Variants in PDZRN3 observed in about 807,000 individuals in gnomAD.
PDZRN3 encodes the protein E3 ubiquitin-protein ligase PDZRN3.
A neutral mutation model predicts 85.7 loss-of-function variants in PDZRN3; 38 were observed. The ratio of observed to expected loss-of-function variants is 0.44; its 90% CI spans 0.34 to 0.58. The LOEUF is 0.58. Ranked by LOEUF, PDZRN3 falls within the 20% of genes least tolerant of loss-of-function variation. PDZRN3 has a pLI of 0.01. For synonymous variants in PDZRN3, 759 were observed against 638.0 expected, an observed-to-expected ratio of 1.19 and a Z score of -2.86; for missense variants, 1,629 against 1,506.4, an observed-to-expected ratio of 1.08 and a Z score of -1.35.
rs73838551 is a variant in PDZRN3 at position 73,509,898 on chromosome 3, G to A, written c.918+92456C>T. 8.4e-3 allele frequency among the ~76,000 whole-genome samples: 1,282 copies of A among 152,314 alleles called. 9 individuals carry two copies. Among genetic ancestry groups the A allele is most frequent in the African/African-American group, 0.027 (1,105 of 41,556 alleles). ...TTTCCACCTGGGGAAATCAGGGGCT[G>A]AGGCCTCCAGCCACCCTTTCCTTGA... On this transcript the variant is annotated intron_variant, in intron 3 of 9. Transcript: ENST00000263666.
At chr3:73,563,166 C>T (rs1157292118) in intron 3 of PDZRN3, among the ~76,000 whole-genome samples, 1 of 149,252 alleles carries the variant, frequency 6.7e-6, no homozygotes, top group East Asian at 2.0e-4. Flanking sequence ...ATACAGGTGC[C>T]CGCCACCACG....
At chr3:73,564,946 T>C (rs1004913290) in intron 3 of PDZRN3, among the ~76,000 whole-genome samples, 1 of 152,172 alleles carries the variant, frequency 6.6e-6, no homozygotes, top group African/African-American at 2.4e-5. Flanking sequence ...ATTTTCATGA[T>C]CATTCTCATC....
intron 3 of PDZRN3, chr3:73,474,551 T>C (rs1326936899): frequency 7.8e-7 from 1 of 1,287,188 alleles, no homozygotes; most frequent in Non-Finnish European, 1.0e-6. Flanking sequence ...AAAAATTGAC[T>C]CAGTGAAGCA....
Position 73,384,282 on chromosome 3 carries a change from C to T in PDZRN3, c.2284G>A (p.Glu762Lys), listed in dbSNP as rs759018588. The change falls in exon 10 of 10, where the codon GAG becomes AAG. Residue 762 changes from glutamate (E) to lysine (K), a missense_variant. Glu to Lys is a moderately conservative substitution (Grantham distance 56). Transcript: ENST00000263666. ...GTGAGCGGGGTGCTGCGGCAGCTCT[C>T]GCCTGTGTTGTAGGCGCTCGAGCTG... ...KDSSSAYNTG[E>K]SCRSTPLTLE... 1.2e-6 allele frequency: 2 copies of T among 1,612,938 alleles called. No individual in the cohort carries two copies. The highest frequency in any genetic ancestry group is 2.2e-5 in the South Asian group (2 of 91,088).
At chr3:73,428,264 G>A (rs1157856413) in intron 3 of PDZRN3, among the ~76,000 whole-genome samples, 4 of 152,190 alleles carry the variant, frequency 2.6e-5, no homozygotes, top group African/African-American at 9.7e-5. Context: ...TCGGGTGAAC[G>A]TGTTGGCTGA....
rs369668101 is a variant in PDZRN3 at position 73,390,312 on chromosome 3, G to T, written c.1354-434C>A. Among the ~76,000 whole-genome samples the T allele has an allele frequency of 1.2e-4, 18 of 152,292 alleles. No individual in the cohort carries two copies. The East Asian group carries it at 2.1e-3, about 18-fold the overall frequency. On this transcript the variant is annotated intron_variant, in intron 6 of 9. Coordinates refer to ENST00000263666, the MANE Select transcript of PDZRN3 (RefSeq NM_015009.3). Reference sequence around the variant, plus strand: ...AAATTGAAATATAATTGGGACAAGGGGGACTGGTAAGGGGAGGGATGTCCC... The same window carrying T: ...AAATTGAAATATAATTGGGACAAGGTGGACTGGTAAGGGGAGGGATGTCCC...
intron 3 of PDZRN3, among the ~76,000 whole-genome samples, chr3:73,597,471 T>G (rs951801432): frequency 1.3e-5 from 2 of 152,196 alleles, no homozygotes; most frequent in Non-Finnish European, 2.9e-5. Flanking sequence ...TTATTGGGAA[T>G]AGAGGGCTTA....
chr3:73,614,793 C>T (rs1467291774), intron 1 of PDZRN3, among the ~76,000 whole-genome samples: 2 of 152,134 alleles, frequency 1.3e-5, no homozygotes, highest in African/African-American at 4.8e-5. Context: ...GTCTTCACTC[C>T]CTATGCTCAG....
At chr3:73,443,105 G>A (rs1313730692) in intron 3 of PDZRN3, among the ~76,000 whole-genome samples, 2 of 152,310 alleles carry the variant, frequency 1.3e-5, no homozygotes, top group African/African-American at 4.8e-5. Flanking sequence ...TCAGTGTCAT[G>A]GGTGGAAATA....
chr3:73,483,144 G>C (rs1208251087), intron 3 of PDZRN3, among the ~76,000 whole-genome samples: 1 of 152,144 alleles, frequency 6.6e-6, no homozygotes, highest in Non-Finnish European at 1.5e-5. Flanking sequence ...GAGATACCAG[G>C]CATCTGAGTG....
intron 3 of PDZRN3, among the ~76,000 whole-genome samples, chr3:73,575,328 T>C (rs563949594): frequency 6.6e-6 from 1 of 152,174 alleles, no homozygotes; most frequent in Admixed American, 6.5e-5. Context: ...ACCTTATCCC[T>C]CCCAGAAGGT....
chr3:73,405,859 C>A (rs1701843773), intron 3 of PDZRN3, among the ~76,000 whole-genome samples: 1 of 152,216 alleles, frequency 6.6e-6, no homozygotes, highest in South Asian at 2.1e-4. Context: ...CCAGGCAGAA[C>A]ATAAGTATTG....
intron 3 of PDZRN3, among the ~76,000 whole-genome samples, chr3:73,584,196 T>C (rs1334722787): frequency 6.6e-6 from 1 of 152,024 alleles, no homozygotes; most frequent in Non-Finnish European, 1.5e-5. Context: ...TTCAATGCTC[T>C]TAATGAGCAG....
rs1702923497 is a variant in PDZRN3 at position 73,624,215 on chromosome 3, G to A, written c.611C>T (p.Ala204Val). The A allele has an allele frequency of 6.7e-7, 1 of 1,489,238 alleles. No homozygotes were observed. The highest frequency in any genetic ancestry group is 8.9e-7 in the Non-Finnish European group (1 of 1,126,256). The allele number at this position is 1,489,238 out of a possible 1,614,324, so 92.3% of individuals were successfully genotyped here. A position where few individuals can be genotyped will look rare whatever the true frequency, so the allele number is the denominator to read the frequency against. The change falls in exon 1 of 10, where the codon GCG becomes GTG. Residue 204 changes from alanine to valine, a missense_variant. Transcript: ENST00000263666. Reference protein sequence around the residue: ...REKSLVAQLAAAQLELQMTAL... With the variant: ...REKSLVAQLAVAQLELQMTAL... ...GGTCATCTGCAGCTCAAGCTGCGCC[G>A]CGGCCAGCTGGGCCACCAGCGACTT...
At position 73,384,771 on chromosome 3, in the gene PDZRN3, G is replaced by A. The variant is rs1701323441; in HGVS notation, c.1795C>T (p.Pro599Ser). The A allele has an allele frequency of 4.3e-6, 7 of 1,613,976 alleles. No individual in the cohort carries two copies. Among genetic ancestry groups the A allele is most frequent in the Non-Finnish European group, 5.9e-6 (7 of 1,180,046 alleles). The part of the protein sequence containing the change: ...NGDDATASSN[P>S]LAGQRKLTCS... ...GTGAGCTTCCTCTGCCCCGCCAGCG[G>A]GTTGGAGGATGCGGTGGCGTCGTCG... The change falls in exon 10 of 10, where the codon CCG becomes TCG. Residue 599 changes from proline to serine, a missense_variant. Transcript: ENST00000263666.
At chr3:73,480,487 GCTCT>G (rs1703540844) in intron 3 of PDZRN3, among the ~76,000 whole-genome samples, 1 of 152,054 alleles carries the variant, frequency 6.6e-6, no homozygotes, top group Non-Finnish European at 1.5e-5. Flanking sequence ...TCTTTGTCTG[GCTCT>G]CTTCTCAATC....
intron 3 of PDZRN3, among the ~76,000 whole-genome samples, chr3:73,509,776 C>T (rs148516774): frequency 1.3e-5 from 2 of 152,346 alleles, no homozygotes; most frequent in South Asian, 2.1e-4. Context: ...TGCCCAAAGA[C>T]GCCTGAGTAA....
chr3:73,452,685 TG>T (rs1432425760), intron 3 of PDZRN3, among the ~76,000 whole-genome samples: 3 of 152,170 alleles, frequency 2.0e-5, no homozygotes, highest in African/African-American at 7.2e-5. Flanking sequence ...GATCTTTTTG[TG>T]GGGGACCAGA....
chr3:73,479,740 G>T (rs1703525989), intron 3 of PDZRN3, among the ~76,000 whole-genome samples: 1 of 152,186 alleles, frequency 6.6e-6, no homozygotes, highest in Non-Finnish European at 1.5e-5. Context: ...GCCCAGGCCT[G>T]TGCTCCCAAT....
Sources: gnomAD v4.1 joint callset for allele counts (sites outside exome capture counted in the v4.1 genomes callset) on GRCh38, gnomAD v4.1.1 for gene constraint, MANE v1.5 for transcripts, NCBI Gene and HGNC (gene_info 2026-07-23, HGNC 2026-07-21) for gene names.